BLK: variants seen among roughly 807,000 people sequenced by gnomAD.
BLK encodes the protein tyrosine-protein kinase Blk.
Under a neutral mutation model 61.8 loss-of-function variants are expected in BLK, and 64 were observed. That is an observed-to-expected ratio of 1.03 (90% CI 0.85 to 1.27). The LOEUF is 1.27. BLK is among the 50% of genes most tolerant of loss of function. The pLI is 0.00. For missense variants in BLK, 853 were observed against 660.5 expected, an observed-to-expected ratio of 1.29 and a Z score of -3.19; for synonymous variants, 351 against 272.0, an observed-to-expected ratio of 1.29 and a Z score of -2.86.
intron 1 of BLK, among the ~76,000 whole-genome samples, chr8:11,510,053 C>A (rs1049617899): frequency 2.6e-5 from 4 of 152,080 alleles, no homozygotes; most frequent in African/African-American, 9.7e-5. Flanking sequence ...TCAGGTGTTT[C>A]GTTTGCTTCC....
rs78119154 is a variant in BLK at position 11,501,920 on chromosome 8, C to T, written c.-2+7329C>T. Among the ~76,000 whole-genome samples the T allele has an allele frequency of 9.5e-3, 1,444 of 152,342 alleles. 27 individuals carry two copies. The highest frequency in any genetic ancestry group is 0.033 in the African/African-American group (1,379 of 41,576). On this transcript the variant is annotated intron_variant, in intron 1 of 12. Transcript: ENST00000259089. ...TTTCCTCAATGTTTTGTGCTACTCA[C>T]AGTGTTCTAGCTACAGACAAGATGC...
rs772595681 is a variant in BLK, at chr8:11,546,098, A to G, written c.170A>G (p.Asp57Gly). 1 of 1,614,032 alleles carries G rather than the reference A, an allele frequency of 6.2e-7. No individual in the cohort carries two copies. Among genetic ancestry groups the G allele is most frequent in the Non-Finnish European group, 8.5e-7 (1 of 1,180,022 alleles). The change falls in exon 3 of 13, where the codon GAT (aspartate) becomes GGT (glycine). Residue 57 changes from aspartate (D) to glycine (G), a missense_variant. Physicochemically the swap from Asp to Gly is moderately conservative, Grantham distance 94 (BLOSUM62 -1). Transcript: ENST00000259089. ...CCTCCACCGCCCGATGAACACCTGGATGAAGGTAAGAAGGGTGGTTTGGGA... is the reference window on the plus strand; with the variant it reads ...CCTCCACCGCCCGATGAACACCTGGGTGAAGGTAAGAAGGGTGGTTTGGGA... ...LTPPPPDEHL[D>G]EDKHFVVALY...
intron 1 of BLK, among the ~76,000 whole-genome samples, chr8:11,518,235 C>T (rs572563140): frequency 1.3e-5 from 2 of 152,320 alleles, no homozygotes; most frequent in Admixed American, 1.3e-4. Flanking sequence ...CAGAATCAGA[C>T]CCCAGCTGAG....
intron 9 of BLK, among the ~76,000 whole-genome samples, chr8:11,557,625 G>T (rs1044446895): frequency 5.9e-5 from 9 of 152,160 alleles, no homozygotes; most frequent in African/African-American, 2.2e-4. Context: ...AACACGGGGG[G>T]AAAGACAAGA....
At chr8:11,528,339 A>G (rs1799754879) in intron 1 of BLK, among the ~76,000 whole-genome samples, 2 of 152,206 alleles carry the variant, frequency 1.3e-5, no homozygotes, top group South Asian at 4.1e-4. Context: ...CTTGATGATC[A>G]TTCTTGCTTT....
chr8:11,538,004 C>T (rs773241416), intron 1 of BLK, among the ~76,000 whole-genome samples: 2 of 152,102 alleles, frequency 1.3e-5, no homozygotes, highest in African/African-American at 2.4e-5. Flanking sequence ...CTGACTCCCC[C>T]GACTAGACAC....
chr8:11,553,375 G>T, intron 6 of BLK: 2 of 451,112 alleles, frequency 4.4e-6, no homozygotes, highest in Middle Eastern at 6.6e-4. Context: ...ATACCACAGA[G>T]GCAGGGGATC....
At chr8:11,519,211 G>A (rs1163556271) in intron 1 of BLK, among the ~76,000 whole-genome samples, 2 of 152,154 alleles carry the variant, frequency 1.3e-5, no homozygotes, top group South Asian at 2.1e-4. Flanking sequence ...TTCCTCAAAG[G>A]AAGGAATCAG....
intron 1 of BLK, among the ~76,000 whole-genome samples, chr8:11,538,845 G>A (rs1026964160): frequency 6.6e-6 from 1 of 152,148 alleles, no homozygotes; most frequent in Non-Finnish European, 1.5e-5. Flanking sequence ...GGCTGGCCCT[G>A]GCTCCAGGCC....
intron 1 of BLK, among the ~76,000 whole-genome samples, chr8:11,526,159 CAG>C (rs1361058416): frequency 6.6e-6 from 1 of 152,226 alleles, no homozygotes; most frequent in Non-Finnish European, 1.5e-5. Context: ...AATACACTGA[CAG>C]ATGCAGAATG....
intron 1 of BLK, among the ~76,000 whole-genome samples, chr8:11,539,906 C>T (rs1255012345): frequency 6.6e-6 from 1 of 152,288 alleles, no homozygotes; most frequent in Non-Finnish European, 1.5e-5. Context: ...CTGCAATATA[C>T]TTCCTGTCAA....
At chr8:11,535,415 A>C (rs1345430991) in intron 1 of BLK, among the ~76,000 whole-genome samples, 1 of 152,252 alleles carries the variant, frequency 6.6e-6, no homozygotes, top group Non-Finnish European at 1.5e-5. Context: ...CACACTCTAC[A>C]ATCCAGCAAT....
At chr8:11,515,071 C>T (rs1158300181) in intron 1 of BLK, among the ~76,000 whole-genome samples, 1 of 152,186 alleles carries the variant, frequency 6.6e-6, no homozygotes, top group African/African-American at 2.4e-5. Context: ...CCACACAGGC[C>T]AGCAGTCACT....
chr8:11,531,015 C>A (rs753703699), intron 1 of BLK, among the ~76,000 whole-genome samples: 1 of 152,110 alleles, frequency 6.6e-6, no homozygotes, highest in African/African-American at 2.4e-5. Flanking sequence ...TTGGTATGAT[C>A]GGTCATCTAA....
chr8:11,519,980 A>G (rs1486721553), intron 1 of BLK, among the ~76,000 whole-genome samples: 1 of 152,146 alleles, frequency 6.6e-6, no homozygotes, highest in African/African-American at 2.4e-5. Context: ...GTATTTAAAT[A>G]TTTTTCTGTA....
intron 9 of BLK, among the ~76,000 whole-genome samples, chr8:11,557,560 G>A: frequency 6.6e-6 from 1 of 152,170 alleles, no homozygotes; most frequent in East Asian, 1.9e-4. Context: ...TCTTGCTGAT[G>A]CCTGGTCCTC....
At chr8:11,543,162 C>T (rs1419802768) in intron 1 of BLK, 62 bp from the exon 2 acceptor site, 3 of 1,610,508 alleles carry the variant, frequency 1.9e-6, no homozygotes, top group Non-Finnish European at 2.5e-6. Flanking sequence ...GGGATCCCCT[C>T]TGTGCAGAGG....
At chr8:11,562,914 G>A (rs1801557844) in intron 11 of BLK, 65 bp from the exon 12 acceptor site, 1 of 1,608,218 alleles carries the variant, frequency 6.2e-7, no homozygotes, top group African/African-American at 1.3e-5. Context: ...CAGGGGTAGG[G>A]GTGAGGATGG....
intron 1 of BLK, among the ~76,000 whole-genome samples, chr8:11,502,913 T>A (rs1267004638): frequency 1.3e-5 from 2 of 152,140 alleles, no homozygotes. Context: ...CCTGTCCCCA[T>A]GGCTGTCATG....
Sources: gnomAD v4.1 joint callset for allele counts (sites outside exome capture counted in the v4.1 genomes callset) on GRCh38, gnomAD v4.1.1 for gene constraint, MANE v1.5 for transcripts, NCBI Gene and HGNC (gene_info 2026-07-23, HGNC 2026-07-21) for gene names.